TCOF1: variants seen among roughly 807,000 people sequenced by gnomAD.
TCOF1 encodes treacle ribosome biogenesis factor 1, also known as treacle protein.
In TCOF1, 33 loss-of-function variants were observed where a neutral mutation model predicts 149.0. The ratio of observed to expected loss-of-function variants is 0.22; its 90% CI spans 0.17 to 0.30. The LOEUF (loss-of-function observed/expected upper bound fraction) is 0.30. Ranked by LOEUF, TCOF1 falls within the 10% of genes least tolerant of loss-of-function variation. The pLI is 1.00. For synonymous variants in TCOF1, 789 were observed against 738.8 expected (o/e 1.07, Z -1.10); for missense variants, 1,728 against 1,840.7 (o/e 0.94, Z 1.12).
At chr5:150,377,044 C>T (rs1042128845) in intron 14 of TCOF1, among the ~76,000 whole-genome samples, 1 of 152,218 alleles carries the variant, frequency 6.6e-6, no homozygotes, top group African/African-American at 2.4e-5. Flanking sequence ...AGGCCTTTTA[C>T]AGGAGGTGGC....
Position 150,399,006 on chromosome 5 carries a change from A to G in TCOF1, c.4444-16A>G. ...AGCTGCAGGTCTGAGAGCCTCTCGTACTTCCCTCCTCACAGAAGAAGACAG... is the reference window on the plus strand; with the variant it reads ...AGCTGCAGGTCTGAGAGCCTCTCGTGCTTCCCTCCTCACAGAAGAAGACAG... On this transcript the variant is annotated splice_polypyrimidine_tract_variant and intron_variant, in intron 25 of 26. Transcript: ENST00000643257. 1 of 1,614,234 alleles carries G rather than the reference A, an allele frequency of 6.2e-7. No homozygotes were observed. The highest frequency in any genetic ancestry group is 8.5e-7 in the Non-Finnish European group (1 of 1,180,038).
intron 26 of TCOF1, among the ~76,000 whole-genome samples, chr5:150,399,533 C>T (rs1769341419): frequency 6.6e-6 from 1 of 152,106 alleles, no homozygotes; most frequent in Non-Finnish European, 1.5e-5. Flanking sequence ...GTGGTGGTGA[C>T]AGTTAGCTGC....
intron 2 of TCOF1, among the ~76,000 whole-genome samples, chr5:150,363,560 C>T (rs1562285067): frequency 1.3e-5 from 2 of 152,196 alleles, no homozygotes; most frequent in Non-Finnish European, 2.9e-5. Context: ...CAGCTGCCTT[C>T]CTCCCTGGGC....
At position 150,375,094 on chromosome 5, in the gene TCOF1, G is replaced by C. The variant is rs2150707423; in HGVS notation, c.1419G>C (p.Glu473Asp). 1.2e-6 allele frequency: 2 copies of C among 1,614,170 alleles called. No homozygotes were observed. The highest frequency in any genetic ancestry group is 1.1e-5 in the South Asian group (1 of 91,088). ...AGGTCCAGGTGGGGAAGCAGGAGGA[G>C]GACTCAAGAAGCAGCAGCGAGGAGT... ...AAQVQVGKQE[E>D]DSRSSSEESD... The change falls in exon 10 of 27, where the codon GAG becomes GAC. Residue 473 changes from glutamate (E) to aspartate (D), a missense_variant. Coordinates refer to ENST00000643257, the MANE Select transcript of TCOF1 (RefSeq NM_001371623.1).
intron 10 of TCOF1, 63 bp downstream of exon 10, chr5:150,375,226 A>G (rs563065574): frequency 1.2e-6 from 2 of 1,611,906 alleles, no homozygotes; most frequent in East Asian, 2.2e-5. Flanking sequence ...TGTGGTTTTG[A>G]CTTTTCCTCT....
chr5:150,384,450 C>T (rs1473792450), intron 17 of TCOF1: 58 of 985,334 alleles, frequency 5.9e-5, no homozygotes, highest in Non-Finnish European at 6.9e-5. Context: ...CATTCTGACC[C>T]GTTGCCTGGT....
chr5:150,378,873 T>C (rs371960622), intron 14 of TCOF1, 32 bp from the exon 15 acceptor site: 175 of 1,613,698 alleles, frequency 1.1e-4, no homozygotes, highest in Non-Finnish European at 1.4e-4. Flanking sequence ...AATCTCACCT[T>C]CTCCCTCCTT....
intron 21 of TCOF1, 161 bp downstream of exon 21, chr5:150,392,337 T>TA: frequency 1.4e-6 from 1 of 720,424 alleles, no homozygotes; most frequent in Non-Finnish European, 2.2e-6. Context: ...CATGAGGAAG[T>TA]CAATCCAAAT....
At chr5:150,367,939 G>A (rs773805454) in intron 4 of TCOF1, 22 bp downstream of exon 4, 7 of 1,613,658 alleles carry the variant, frequency 4.3e-6, no homozygotes, top group Non-Finnish European at 5.9e-6. Flanking sequence ...TGCCTTCCAA[G>A]CTATTGCCTA....
At chr5:150,369,958 G>A (rs1762168043) in intron 6 of TCOF1, among the ~76,000 whole-genome samples, 1 of 152,206 alleles carries the variant, frequency 6.6e-6, no homozygotes, top group Non-Finnish European at 1.5e-5. Context: ...GGCAAGAACA[G>A]GGCCCAGAGG....
chr5:150,367,546 T>A, intron 3 of TCOF1: 2 of 415,256 alleles, frequency 4.8e-6, no homozygotes, highest in South Asian at 4.1e-5. Context: ...GCAGCAAGAA[T>A]GTGGGCCAGT....
At position 150,374,409 on chromosome 5, in the gene TCOF1, C is replaced by G. The variant is rs532708870; in HGVS notation, c.1083+23C>G. On this transcript the variant is annotated intron_variant, in intron 8 of 26. Transcript: ENST00000643257. ...CAGGTGAGGCCTGAGGAGGGAGACT[C>G]CATGCAGCCAGGCCCGTCCCCAGAA... The G allele has an allele frequency of 1.6e-5, 25 of 1,551,378 alleles. No individual in the cohort carries two copies. The African/African-American group carries it at 3.1e-4, about 20-fold the overall frequency.
At chr5:150,367,237 G>A (rs535000477) in intron 3 of TCOF1, among the ~76,000 whole-genome samples, 14 of 152,240 alleles carry the variant, frequency 9.2e-5, no homozygotes, top group African/African-American at 2.2e-4. Context: ...CCCAGGAGGC[G>A]GAGCTTGCAG....
intron 17 of TCOF1, chr5:150,384,062 A>G (rs1765778014): frequency 7.6e-7 from 1 of 1,317,726 alleles, no homozygotes; most frequent in Non-Finnish European, 9.7e-7. Flanking sequence ...GCCTAACCAC[A>G]GATCCTGGAG....
chr5:150,388,625 A>G (rs1766759700), intron 18 of TCOF1, among the ~76,000 whole-genome samples: 2 of 152,210 alleles, frequency 1.3e-5, no homozygotes, highest in African/African-American at 4.8e-5. Flanking sequence ...AAGCAATAAT[A>G]CCTGATCCTG....
At position 150,391,645 on chromosome 5, in the gene TCOF1, G is replaced by A. The variant is rs886060262; in HGVS notation, c.3285G>A (p.Gln1095=). The change falls in exon 20 of 27, where the codon CAG becomes CAA. Residue 1095 remains glutamine, a synonymous_variant. Coordinates refer to ENST00000643257, the MANE Select transcript of TCOF1 (RefSeq NM_001371623.1). The part of the protein sequence containing the change: ...SEAQPPVART[Q]PSSGVDSAVG... ...CTCAGCCTCCTGTTGCCAGGACCCA[G>A]CCTTCAAGTGGGGTGAGCTTGGGGA... 6.8e-6 allele frequency: 11 copies of A among 1,613,802 alleles called. No individual in the cohort carries two copies. The highest frequency in any genetic ancestry group is 9.3e-6 in the Non-Finnish European group (11 of 1,179,938).
chr5:150,375,290 C>A (rs768858805), intron 10 of TCOF1, 49 bp from the exon 11 acceptor site: 9 of 1,605,148 alleles, frequency 5.6e-6, no homozygotes, highest in Non-Finnish European at 7.7e-6. Context: ...CCCTCACTCA[C>A]ATTCTCCTTC....
intron 17 of TCOF1, chr5:150,384,306 T>C (rs1285789587): frequency 1.0e-6 from 1 of 987,570 alleles, no homozygotes; most frequent in Non-Finnish European, 1.2e-6. Flanking sequence ...ACAACAGCCC[T>C]ATGAGGGTGG....
At chr5:150,381,364 T>G (rs1765131670) in intron 17 of TCOF1, among the ~76,000 whole-genome samples, 1 of 152,186 alleles carries the variant, frequency 6.6e-6, no homozygotes, top group Non-Finnish European at 1.5e-5. Flanking sequence ...TCACAGTCTG[T>G]GGGGCAAGAC....
Sources: gnomAD v4.1 joint callset for allele counts (sites outside exome capture counted in the v4.1 genomes callset) on GRCh38, gnomAD v4.1.1 for gene constraint, MANE v1.5 for transcripts, NCBI Gene and HGNC (gene_info 2026-07-23, HGNC 2026-07-21) for gene names.